The following ZNF678 variants were observed in gnomAD, a reference collection of about 807,000 sequenced individuals.
The protein encoded by ZNF678 is hypothetical protein MGC42493.
Under a neutral mutation model 3.0 loss-of-function variants are expected in ZNF678, and 5 were observed. That is an observed-to-expected ratio of 1.69 (90% CI 0.88 to 3.56). The LOEUF is 3.56. ZNF678 is among the 30% of genes most tolerant of loss of function. ZNF678 has a pLI of 0.00. For synonymous variants in ZNF678, 218 were observed against 199.6 expected, an observed-to-expected ratio of 1.09 and a Z score of -0.78; for missense variants, 593 against 605.0, an observed-to-expected ratio of 0.98 and a Z score of 0.21.
chr1:227,639,493 A>G (rs1452742756), intron 1 of ZNF678, among the ~76,000 whole-genome samples: 6 of 152,238 alleles, frequency 3.9e-5, no homozygotes, highest in Non-Finnish European at 8.8e-5. Context: ...AAGGTTTAAA[A>G]TAGTGGTTCC....
downstream of ZNF678, among the ~76,000 whole-genome samples, chr1:227,663,333 A>G (rs1659445623): frequency 1.3e-5 from 2 of 152,218 alleles, no homozygotes; most frequent in South Asian, 4.1e-4. Context: ...GCCAGTTTCC[A>G]CCAGCATTGA....
At chr1:227,611,247 C>A (rs750759742) in intron 1 of ZNF678, among the ~76,000 whole-genome samples, 1 of 152,124 alleles carries the variant, frequency 6.6e-6, no homozygotes, top group East Asian at 1.9e-4. Flanking sequence ...TGGGTGATAA[C>A]CCAAAGGAAG....
At chr1:227,573,254 A>AT (rs890955240) in intron 1 of ZNF678, among the ~76,000 whole-genome samples, 9 of 152,016 alleles carry the variant, frequency 5.9e-5, no homozygotes, top group Admixed American at 5.2e-4. Flanking sequence ...CCTTTTAATA[A>AT]TTTTTTTTGT....
intron 1 of ZNF678, among the ~76,000 whole-genome samples, chr1:227,579,638 G>A (rs569579305): frequency 8.5e-5 from 13 of 152,228 alleles, no homozygotes; most frequent in East Asian, 3.9e-4. Context: ...GGGTCATCTC[G>A]CTGGAGGTCT....
intron 1 of ZNF678, among the ~76,000 whole-genome samples, chr1:227,589,522 T>C (rs1229687030): frequency 3.3e-5 from 5 of 151,666 alleles, no homozygotes; most frequent in Non-Finnish European, 5.9e-5. Flanking sequence ...TTTATTCAGC[T>C]GGGAGCATTG....
At chr1:227,582,864 C>T (rs1255550425) in intron 1 of ZNF678, among the ~76,000 whole-genome samples, 1 of 152,078 alleles carries the variant, frequency 6.6e-6, no homozygotes, top group African/African-American at 2.4e-5. Flanking sequence ...GCACTGTCAA[C>T]TTTGTCATTA....
intron 1 of ZNF678, among the ~76,000 whole-genome samples, chr1:227,617,758 G>T (rs1433867004): frequency 6.6e-6 from 1 of 152,184 alleles, no homozygotes; most frequent in African/African-American, 2.4e-5. Context: ...TGGAGAAAAG[G>T]TACATAAATA....
chr1:227,579,180 G>A (rs1028412705), intron 1 of ZNF678, among the ~76,000 whole-genome samples: 1 of 152,220 alleles, frequency 6.6e-6, no homozygotes, highest in East Asian at 1.9e-4. Context: ...TGGGGTGCTT[G>A]CCATGCTACA....
rs34984248 is a variant in ZNF678 at position 227,621,028 on chromosome 1, G to A, written c.-163-25516G>A. 4.6e-3 allele frequency among the ~76,000 whole-genome samples: 702 copies of A among 152,250 alleles called. 19 individuals carry two copies. The South Asian group carries it at 0.057, about 12-fold the overall frequency. On this transcript the variant is annotated intron_variant, in intron 1 of 3. Coordinates refer to ENST00000343776, the MANE Select transcript of ZNF678 (RefSeq NM_001367909.1). ...AGTATTTGGGAGGCTGAGGCAGAAG[G>A]ATTGCTTAATCTCAGGAGTTTGAGA...
Position 227,655,667 on chromosome 1 carries a change from T to G in ZNF678, c.1417T>G (p.Phe473Val). 1 of 1,612,724 alleles carries G rather than the reference T, an allele frequency of 6.2e-7. No homozygotes were observed. The highest frequency in any genetic ancestry group is 8.5e-7 in the Non-Finnish European group (1 of 1,179,210). ...CEECGKAFNQ[F>V]SSLTRHKRIH... ...AGAATGTGGCAAAGCCTTTAACCAG[T>G]TCTCAAGCCTTACTCGTCATAAAAG... The change falls in exon 4 of 4, where the codon TTC (phenylalanine) becomes GTC (valine). Residue 473 changes from phenylalanine (F) to valine (V), a missense_variant. By Grantham distance (50) the Phe-to-Val change is conservative. Transcript: ENST00000343776.
In ZNF678 at chr1:227,658,406, T is replaced by A. The variant is rs1241588700; in HGVS notation, c.*2578T>A. On this transcript the variant is annotated 3_prime_UTR_variant, in exon 4 of 4. Transcript: ENST00000343776. ...GCTACAAGTAAGAGATTAGAAATATTCAGCATAAAGAGATGGCATTAACTC... is the reference window on the plus strand; with the variant it reads ...GCTACAAGTAAGAGATTAGAAATATACAGCATAAAGAGATGGCATTAACTC... 1 of 152,066 alleles carries A rather than the reference T, an allele frequency of 6.6e-6. No individual in the cohort carries two copies. The highest frequency in any genetic ancestry group is 1.9e-4 in the East Asian group (1 of 5,198). 9.4% of individuals were successfully genotyped at this position (152,066 alleles called of 1,614,324 possible).
At chr1:227,650,264 A>G (rs1048806503) in intron 2 of ZNF678, among the ~76,000 whole-genome samples, 3 of 152,208 alleles carry the variant, frequency 2.0e-5, no homozygotes, top group African/African-American at 7.2e-5. Flanking sequence ...TGAAGCAACT[A>G]TCTTTTGTGC....
chr1:227,640,664 T>C (rs755090744), intron 1 of ZNF678, among the ~76,000 whole-genome samples: 5 of 152,180 alleles, frequency 3.3e-5, no homozygotes, highest in Non-Finnish European at 7.3e-5. Context: ...GGACCCGTTA[T>C]CTAATTCGTA....
intron 3 of ZNF678, among the ~76,000 whole-genome samples, chr1:227,651,600 G>A (rs1659094334): frequency 6.6e-6 from 1 of 152,130 alleles, no homozygotes; most frequent in Admixed American, 6.5e-5. Context: ...CATGTTAAAT[G>A]GGCCATTTCC....
At chr1:227,636,419 C>T (rs1355529542) in intron 1 of ZNF678, among the ~76,000 whole-genome samples, 7 of 152,296 alleles carry the variant, frequency 4.6e-5, no homozygotes, top group South Asian at 4.1e-4. Flanking sequence ...AATTGCTACA[C>T]GCATTTGGTT....
rs890675169 is a variant in ZNF678 at position 227,655,846 on chromosome 1, A to G, written c.*18A>G. The G allele has an allele frequency of 1.4e-5, 21 of 1,540,524 alleles. No homozygotes were observed. The highest frequency in any genetic ancestry group is 4.2e-5 in the African/African-American group (3 of 72,138). On this transcript the variant is annotated 3_prime_UTR_variant, in exon 4 of 4. Coordinates refer to ENST00000343776, the MANE Select transcript of ZNF678 (RefSeq NM_001367909.1). ...GTCTTTAAAAACTGCTTCATTATACATGGCTTCACTAATTTCATACTGAAT... is the reference window on the plus strand; with the variant it reads ...GTCTTTAAAAACTGCTTCATTATACGTGGCTTCACTAATTTCATACTGAAT...
At chr1:227,566,353 CAG>C (rs1168786749) in intron 1 of ZNF678, among the ~76,000 whole-genome samples, 1 of 152,194 alleles carries the variant, frequency 6.6e-6, no homozygotes, top group Admixed American at 6.5e-5. Flanking sequence ...TGGGAAAAGA[CAG>C]AAATAATTCC....
intron 1 of ZNF678, among the ~76,000 whole-genome samples, chr1:227,630,673 C>T (rs969943635): frequency 6.6e-6 from 1 of 152,168 alleles, no homozygotes; most frequent in African/African-American, 2.4e-5. Context: ...AATTCTCCTC[C>T]TCCCACTGCT....
chr1:227,636,587 C>G (rs1658685377), intron 1 of ZNF678, among the ~76,000 whole-genome samples: 1 of 152,214 alleles, frequency 6.6e-6, no homozygotes, highest in Admixed American at 6.5e-5. Flanking sequence ...ATTGGATGAT[C>G]CGTTGTGGAG....
Sources: allele counts gnomAD v4.1 joint callset (sites outside exome capture counted in the v4.1 genomes callset), GRCh38; gene constraint gnomAD v4.1.1; transcripts MANE v1.5; gene names NCBI Gene and HGNC (gene_info 2026-07-23, HGNC 2026-07-21).